The following DPH6 variants were observed in gnomAD, a reference collection of about 807,000 sequenced individuals.
DPH6 encodes diphthine--ammonia ligase.
DPH6 carries 33 observed loss-of-function variants against 38.2 expected under a neutral mutation model. The observed-to-expected ratio is 0.86, with a 90% CI of 0.65 to 1.15. DPH6 has a LOEUF of 1.15. Among genes scored for constraint, DPH6 ranks in the 50% most tolerant of loss-of-function variants. The pLI is 0.00. For missense variants in DPH6, 325 were observed against 320.0 expected, an observed-to-expected ratio of 1.02 and a Z score of -0.12; for synonymous variants, 108 against 103.0, an observed-to-expected ratio of 1.05 and a Z score of -0.30.
chr15:35,381,610 A>G (rs530088431), intron 7 of DPH6, among the ~76,000 whole-genome samples: 4 of 152,324 alleles, frequency 2.6e-5, no homozygotes, highest in Middle Eastern at 3.4e-3. Flanking sequence ...TGCAATGTCT[A>G]AAAAGTTTAT....
At chr15:35,177,042 T>A in the DPH6 span, among the ~76,000 whole-genome samples, 1 of 152,190 alleles carries the variant, frequency 6.6e-6, no homozygotes, top group Admixed American at 6.5e-5. Context: ...TATTTGCCAA[T>A]GAATGCTACT....
intron 3 of DPH6, among the ~76,000 whole-genome samples, chr15:35,268,525 TA>T (rs749587386): frequency 5.4e-4 from 78 of 144,684 alleles, no homozygotes; most frequent in Middle Eastern, 3.7e-3. Context: ...TTTGCAGCTC[TA>T]AAAAAAAAAA....
At chr15:35,317,317 G>T (rs1389172762) in intron 3 of DPH6, among the ~76,000 whole-genome samples, 5 of 142,960 alleles carry the variant, frequency 3.5e-5, no homozygotes, top group Admixed American at 1.4e-4. Flanking sequence ...GAGAAAGAAG[G>T]AAGGAAAAAA....
At chr15:35,352,087 T>C (rs1297121165) in intron 3 of DPH6, among the ~76,000 whole-genome samples, 1 of 152,194 alleles carries the variant, frequency 6.6e-6, no homozygotes, top group Non-Finnish European at 1.5e-5. Context: ...TTCTGACTAC[T>C]TCTGTTTTCT....
chr15:35,312,495 T>C (rs1418257477), intron 3 of DPH6, among the ~76,000 whole-genome samples: 2 of 152,292 alleles, frequency 1.3e-5, no homozygotes, highest in East Asian at 1.9e-4. Context: ...AAATCTGTAA[T>C]TGAGTCCCAG....
intron 5 of DPH6, among the ~76,000 whole-genome samples, chr15:35,436,458 TC>T (rs1212227709): frequency 2.0e-4 from 20 of 98,828 alleles, no homozygotes; most frequent in Non-Finnish European, 3.2e-4. Context: ...AGAGTGAGAC[TC>T]CGTCTCAAAC....
intron 3 of DPH6, among the ~76,000 whole-genome samples, chr15:35,222,540 G>T (rs77617747): frequency 0.032 from 4,902 of 152,186 alleles, 271 homozygotes; most frequent in African/African-American, 0.11. Flanking sequence ...AACTTGAAGG[G>T]GGGGGTTTCA....
intron 3 of DPH6, among the ~76,000 whole-genome samples, chr15:35,526,781 T>C (rs1298665276): frequency 6.6e-6 from 1 of 152,142 alleles, no homozygotes; most frequent in Non-Finnish European, 1.5e-5. Flanking sequence ...TAAAAGAACA[T>C]GCCAAAATAA....
At chr15:35,365,425 A>T (rs2052649902) in intron 3 of DPH6, among the ~76,000 whole-genome samples, 1 of 152,138 alleles carries the variant, frequency 6.6e-6, no homozygotes, top group African/African-American at 2.4e-5. Context: ...GAATGAATAA[A>T]TCGTATGAGG....
At chr15:35,249,527 T>A (rs1645855649) in intron 3 of DPH6, among the ~76,000 whole-genome samples, 1 of 152,190 alleles carries the variant, frequency 6.6e-6, no homozygotes, top group South Asian at 2.1e-4. Context: ...CTATGTCGAA[T>A]TCTTTATGGT....
At position 35,452,582 on chromosome 15, in the gene DPH6, A is replaced by AT. The variant is rs1313449872; in HGVS notation, c.387-1780dup. ...CATACATGGCCTTAAAAATATCACT[A>AT]TTTTTTTCATTTACATATACCCTGA... is the stretch of plus-strand genomic sequence containing the variant. On this transcript the variant is annotated intron_variant, in intron 4 of 8. Coordinates refer to ENST00000256538, the MANE Select transcript of DPH6 (RefSeq NM_080650.4). Among the ~76,000 whole-genome samples, 23 of 151,846 alleles carry AT rather than the reference A, an allele frequency of 1.5e-4. 1 individual carries two copies. Among genetic ancestry groups the AT allele is most frequent in the Non-Finnish European group, 4.4e-5 (3 of 67,974 alleles).
chr15:35,490,768 A>G (rs964911581), intron 3 of DPH6, among the ~76,000 whole-genome samples: 3 of 152,152 alleles, frequency 2.0e-5, no homozygotes, highest in African/African-American at 7.2e-5. Flanking sequence ...ACATTGTGCC[A>G]TCTCAGCTTG....
intron 3 of DPH6, among the ~76,000 whole-genome samples, chr15:35,279,048 CAAAAA>C (rs71123126): frequency 2.0e-4 from 14 of 70,636 alleles, no homozygotes; most frequent in African/African-American, 7.2e-4. Flanking sequence ...GACTCTGTCT[CAAAAA>C]AAAAAAAAAA....
the DPH6 span, among the ~76,000 whole-genome samples, chr15:35,148,938 A>G: frequency 1.3e-5 from 2 of 152,142 alleles, no homozygotes; most frequent in African/African-American, 4.8e-5. Flanking sequence ...CTTATGCTTC[A>G]TTAAAGAATG....
rs771822892 is a variant in DPH6 at position 35,263,719 on chromosome 15, C to CT, written n.201-43138dup. Among the ~76,000 whole-genome samples, 190 of 147,526 alleles carry CT rather than the reference C, an allele frequency of 1.3e-3. 6 individuals are homozygous for CT. The highest frequency in any genetic ancestry group is 8.8e-3 in the East Asian group (44 of 5,018). On this transcript the variant is annotated intron_variant and non_coding_transcript_variant, in intron 3 of 3. Transcript: ENST00000560386. ...TGCCTGGCCTCACAGTTTATAATTTCTTTTTTTTTTGAGACAGAGTCTCGC... is the reference window on the plus strand; with the variant it reads ...TGCCTGGCCTCACAGTTTATAATTTCTTTTTTTTTTTGAGACAGAGTCTCGC...
intron 3 of DPH6, among the ~76,000 whole-genome samples, chr15:35,248,212 C>T (rs934483498): frequency 1.3e-5 from 2 of 152,188 alleles, no homozygotes; most frequent in African/African-American, 4.8e-5. Context: ...CTCATTCTCC[C>T]CTGAGGCAAG....
chr15:35,406,373 AT>A (rs1437608743), intron 6 of DPH6, among the ~76,000 whole-genome samples: 1 of 152,022 alleles, frequency 6.6e-6, no homozygotes, highest in Non-Finnish European at 1.5e-5. Flanking sequence ...AGCAGTTTAA[AT>A]TTTATTTTGA....
At chr15:35,435,494 G>C (rs2053686982) in intron 5 of DPH6, among the ~76,000 whole-genome samples, 1 of 152,216 alleles carries the variant, frequency 6.6e-6, no homozygotes, top group African/African-American at 2.4e-5. Flanking sequence ...TGGGAGAATG[G>C]GGTAAAGCCA....
At chr15:35,427,768 T>G (rs995400811) in intron 5 of DPH6, among the ~76,000 whole-genome samples, 1 of 151,682 alleles carries the variant, frequency 6.6e-6, no homozygotes, top group Non-Finnish European at 1.5e-5. Context: ...GGAAAATAAA[T>G]AAGCACAGTC....
Sources: allele counts gnomAD v4.1 joint callset (sites outside exome capture counted in the v4.1 genomes callset), GRCh38; gene constraint gnomAD v4.1.1; transcripts MANE v1.5; gene names NCBI Gene and HGNC (gene_info 2026-07-23, HGNC 2026-07-21).